C1orf21: variants seen among roughly 807,000 people sequenced by gnomAD.
C1orf21 encodes the protein chromosome 1 open reading frame 21.
In C1orf21, 3 loss-of-function variants were observed where a neutral mutation model predicts 18.7. That is an observed-to-expected ratio of 0.16 (90% CI 0.07 to 0.42). The LOEUF (loss-of-function observed/expected upper bound fraction) is 0.42, where lower values mean the gene tolerates loss of function less well. Among genes scored for constraint, C1orf21 ranks in the 10% least tolerant of loss-of-function variants. C1orf21 has a pLI of 0.99. For synonymous variants in C1orf21, 41 were observed against 46.4 expected, an observed-to-expected ratio of 0.88 and a Z score of 0.47; for missense variants, 104 against 143.6, an observed-to-expected ratio of 0.72 and a Z score of 1.41.
At chr1:184,441,610 C>T (rs1656948833) in intron 1 of C1orf21, among the ~76,000 whole-genome samples, 1 of 152,206 alleles carries the variant, frequency 6.6e-6, no homozygotes, top group East Asian at 1.9e-4. Context: ...AGTCTCGTAC[C>T]ACAGTGCCTT....
chr1:184,581,233 C>A (rs1448706100), intron 3 of C1orf21, among the ~76,000 whole-genome samples: 1 of 152,116 alleles, frequency 6.6e-6, no homozygotes, highest in African/African-American at 2.4e-5. Flanking sequence ...TCCAGACCAG[C>A]CTGACCAATA....
intron 3 of C1orf21, among the ~76,000 whole-genome samples, chr1:184,588,405 A>G (rs1659388226): frequency 6.6e-6 from 1 of 152,188 alleles, no homozygotes; most frequent in Non-Finnish European, 1.5e-5. Context: ...GAAATGTGTC[A>G]AAATTTGGAG....
At chr1:184,399,915 G>C (rs1005363526) in intron 1 of C1orf21, among the ~76,000 whole-genome samples, 1 of 152,140 alleles carries the variant, frequency 6.6e-6, no homozygotes, top group African/African-American at 2.4e-5. Context: ...CTGAGATATA[G>C]TTTATGTAGG....
chr1:184,417,516 A>G (rs1293914699), intron 1 of C1orf21, among the ~76,000 whole-genome samples: 2 of 152,242 alleles, frequency 1.3e-5, no homozygotes, highest in Non-Finnish European at 2.9e-5. Flanking sequence ...TTGGTATCTT[A>G]TTTAACACAG....
chr1:184,601,774 G>A (rs1012880700), intron 5 of C1orf21, among the ~76,000 whole-genome samples: 3 of 152,126 alleles, frequency 2.0e-5, no homozygotes, highest in East Asian at 3.9e-4. Flanking sequence ...GGTGGCACAC[G>A]CCTGTAGTCT....
intron 1 of C1orf21, among the ~76,000 whole-genome samples, chr1:184,465,992 T>C (rs1016177472): frequency 1.3e-5 from 2 of 152,160 alleles, no homozygotes; most frequent in African/African-American, 4.8e-5. Flanking sequence ...CTGTGTTGTC[T>C]AGTTCTGAGC....
chr1:184,538,679 C>G (rs1057435147), intron 3 of C1orf21, among the ~76,000 whole-genome samples: 5 of 152,120 alleles, frequency 3.3e-5, no homozygotes, highest in African/African-American at 1.2e-4. Flanking sequence ...ATATTGGTGT[C>G]CAGTTTTTCC....
chr1:184,418,099 C>G (rs1424619959), intron 1 of C1orf21, among the ~76,000 whole-genome samples: 3 of 152,206 alleles, frequency 2.0e-5, no homozygotes, highest in East Asian at 3.9e-4. Context: ...TGAAGAGAAG[C>G]TGACCCTTCT....
chr1:184,465,505 T>A (rs1171386989), intron 1 of C1orf21, among the ~76,000 whole-genome samples: 2 of 152,252 alleles, frequency 1.3e-5, no homozygotes, highest in African/African-American at 4.8e-5. Context: ...AAAATTCTTT[T>A]AAATTTTCAG....
chr1:184,451,067 G>A (rs1280995855), intron 1 of C1orf21, among the ~76,000 whole-genome samples: 3 of 152,072 alleles, frequency 2.0e-5, no homozygotes, highest in Admixed American at 6.5e-5. Context: ...TAGTAGAGAC[G>A]GCATTTCGCC....
intron 3 of C1orf21, among the ~76,000 whole-genome samples, chr1:184,576,045 C>T (rs1436589044): frequency 6.6e-6 from 1 of 152,194 alleles, no homozygotes; most frequent in East Asian, 1.9e-4. Flanking sequence ...AGGCCCAAGC[C>T]TGATCAGCTT....
Position 184,626,942 on chromosome 1 carries a change from G to A in C1orf21, c.*7386G>A, listed in dbSNP as rs906285959. 1 of 152,582 alleles carries A rather than the reference G, an allele frequency of 6.6e-6. No individual in the cohort carries two copies. Among genetic ancestry groups the A allele is most frequent in the Non-Finnish European group, 1.5e-5 (1 of 68,050 alleles). The allele number at this position is 152,582 out of a possible 1,614,324, so 9.5% of individuals were successfully genotyped here. On this transcript the variant is annotated 3_prime_UTR_variant, in exon 6 of 6. Coordinates refer to ENST00000235307, the MANE Select transcript of C1orf21 (RefSeq NM_030806.4). ...ACGGGAAGCAGCAGAGGGCTTCCCT[G>A]TCTAGTGTGTGATCCTAACTAAAGG...
chr1:184,388,591 A>C (rs954182857), intron 1 of C1orf21, among the ~76,000 whole-genome samples: 3 of 151,932 alleles, frequency 2.0e-5, no homozygotes, highest in African/African-American at 7.3e-5. Context: ...GGGGACTGAC[A>C]CACCATAGAT....
In C1orf21 at chr1:184,510,428, G is replaced by A. The variant is rs1658127045; in HGVS notation, c.189+2746G>A. ...ACTATGAGTAAAACAAGGTGAGATTGAACTTTGAGAAAGAAATACAAAGAG... is the reference window on the plus strand; with the variant it reads ...ACTATGAGTAAAACAAGGTGAGATTAAACTTTGAGAAAGAAATACAAAGAG... On this transcript the variant is annotated intron_variant, in intron 3 of 5. Transcript: ENST00000235307. 2.6e-5 allele frequency among the ~76,000 whole-genome samples: 4 copies of A among 152,290 alleles called. 1 individual carries two copies. The highest frequency in any genetic ancestry group is 2.6e-4 in the Admixed American group (4 of 15,290).
intron 3 of C1orf21, among the ~76,000 whole-genome samples, chr1:184,542,928 T>C (rs915463162): frequency 6.6e-6 from 1 of 152,184 alleles, no homozygotes; most frequent in African/African-American, 2.4e-5. Flanking sequence ...CATGGCCTTA[T>C]CCAAAGCCTT....
At position 184,417,874 on chromosome 1, in the gene C1orf21, G is replaced by A. The variant is rs964141029; in HGVS notation, c.-125+30506G>A. Among the ~76,000 whole-genome samples the A allele has an allele frequency of 3.3e-5, 5 of 152,196 alleles. No individual in the cohort carries two copies. In the East Asian group the frequency reaches 9.6e-4, roughly 29 times the overall value. On this transcript the variant is annotated intron_variant, in intron 1 of 5. Coordinates refer to ENST00000235307, the MANE Select transcript of C1orf21 (RefSeq NM_030806.4). ...GACATAATCAATGTGTTGGGATAAG[G>A]CCAGGTCTGACAGGGGATGGGGTAT...
chr1:184,475,458 C>T (rs970314526), intron 1 of C1orf21, among the ~76,000 whole-genome samples: 1 of 152,158 alleles, frequency 6.6e-6, no homozygotes, highest in Non-Finnish European at 1.5e-5. Flanking sequence ...ACCATCCTTT[C>T]AGCCTGGTAA....
intron 3 of C1orf21, among the ~76,000 whole-genome samples, chr1:184,528,042 T>G (rs1006584844): frequency 9.9e-5 from 15 of 152,210 alleles, no homozygotes; most frequent in African/African-American, 3.6e-4. Flanking sequence ...ATTTGTAAAG[T>G]GCCTAGAACG....
intron 3 of C1orf21, among the ~76,000 whole-genome samples, chr1:184,577,497 A>AT: frequency 6.6e-6 from 1 of 151,932 alleles, no homozygotes; most frequent in Non-Finnish European, 1.5e-5. Context: ...AATATAGCAG[A>AT]TTTTCTGGGC....
Sources: allele counts gnomAD v4.1 joint callset (sites outside exome capture counted in the v4.1 genomes callset), GRCh38; gene constraint gnomAD v4.1.1; transcripts MANE v1.5; gene names NCBI Gene and HGNC (gene_info 2026-07-23, HGNC 2026-07-21).